C1orf21: variants seen among roughly 807,000 people sequenced by gnomAD.
C1orf21 encodes the protein chromosome 1 open reading frame 21.
A neutral mutation model predicts 18.7 loss-of-function variants in C1orf21; 3 were observed. The ratio of observed to expected loss-of-function variants is 0.16; its 90% CI spans 0.07 to 0.42. The LOEUF (loss-of-function observed/expected upper bound fraction) is 0.42, where lower values mean the gene tolerates loss of function less well. Ranked by LOEUF, C1orf21 falls within the 10% of genes least tolerant of loss-of-function variation. The pLI, the probability that C1orf21 is intolerant of heterozygous loss-of-function variation, is 0.99. For missense variants in C1orf21, 104 were observed against 143.6 expected (o/e 0.72, Z 1.41); for synonymous variants, 41 against 46.4 (o/e 0.88, Z 0.47).
At chr1:184,520,795 A>G in intron 3 of C1orf21, among the ~76,000 whole-genome samples, 1 of 152,254 alleles carries the variant, frequency 6.6e-6, no homozygotes, top group East Asian at 1.9e-4. Flanking sequence ...ACTTTAAAAC[A>G]TACTTTGGGA....
chr1:184,431,031 T>G (rs985466774), intron 1 of C1orf21, among the ~76,000 whole-genome samples: 1 of 152,210 alleles, frequency 6.6e-6, no homozygotes, highest in Non-Finnish European at 1.5e-5. Flanking sequence ...CATAGGTATT[T>G]TATTCTCTTT....
intron 1 of C1orf21, among the ~76,000 whole-genome samples, chr1:184,459,339 T>G (rs1319115051): frequency 2.6e-5 from 4 of 152,226 alleles, no homozygotes; most frequent in Non-Finnish European, 4.4e-5. Flanking sequence ...GCCTTAACAC[T>G]TTTAGAACAA....
chr1:184,587,262 CT>C (rs35263651), intron 3 of C1orf21, among the ~76,000 whole-genome samples: 10,063 of 76,464 alleles, frequency 0.13, 504 homozygotes, highest in African/African-American at 0.26. Flanking sequence ...GCTATTTGGG[CT>C]TTTTTTTTTT....
intron 1 of C1orf21, among the ~76,000 whole-genome samples, chr1:184,388,744 A>G (rs1353035748): frequency 6.6e-6 from 1 of 152,138 alleles, no homozygotes; most frequent in Middle Eastern, 3.2e-3. Context: ...CTTCTGCCTA[A>G]TAGGAATAAC....
At chr1:184,430,442 GACAA>G (rs1412247495) in intron 1 of C1orf21, among the ~76,000 whole-genome samples, 1 of 152,152 alleles carries the variant, frequency 6.6e-6, no homozygotes, top group Non-Finnish European at 1.5e-5. Flanking sequence ...TTAATAAAAT[GACAA>G]ACAACCATTC....
intron 3 of C1orf21, among the ~76,000 whole-genome samples, chr1:184,586,881 G>A (rs1274082165): frequency 7.9e-5 from 12 of 152,050 alleles, no homozygotes; most frequent in Admixed American, 7.9e-4. Context: ...AAATGCTGTT[G>A]CCTAGGTTGT....
chr1:184,552,232 G>T (rs1423182860), intron 3 of C1orf21, among the ~76,000 whole-genome samples: 5 of 152,094 alleles, frequency 3.3e-5, no homozygotes, highest in Non-Finnish European at 7.4e-5. Context: ...ATTTTTAAAT[G>T]GGCAAAGGAT....
At chr1:184,576,388 G>A (rs1317348556) in intron 3 of C1orf21, among the ~76,000 whole-genome samples, 1 of 152,240 alleles carries the variant, frequency 6.6e-6, no homozygotes. Context: ...GCCTTCCAAA[G>A]TGCTGGGATT....
chr1:184,419,037 C>T (rs189075965), intron 1 of C1orf21, among the ~76,000 whole-genome samples: 1 of 152,008 alleles, frequency 6.6e-6, no homozygotes, highest in African/African-American at 2.4e-5. Flanking sequence ...ATAATATGTC[C>T]AAGGGGTCTT....
chr1:184,576,949 C>T (rs976667783), intron 3 of C1orf21, among the ~76,000 whole-genome samples: 1 of 152,114 alleles, frequency 6.6e-6, no homozygotes, highest in African/African-American at 2.4e-5. Context: ...GGAGCCAAGC[C>T]AGTGCTGTAA....
intron 1 of C1orf21, among the ~76,000 whole-genome samples, chr1:184,391,318 A>G (rs1655967804): frequency 1.3e-5 from 2 of 152,236 alleles, no homozygotes; most frequent in African/African-American, 2.4e-5. Context: ...CTAATCACCT[A>G]AACTAATGAT....
intron 1 of C1orf21, among the ~76,000 whole-genome samples, chr1:184,433,800 G>A (rs1207330333): frequency 6.6e-6 from 1 of 152,090 alleles, no homozygotes; most frequent in African/African-American, 2.4e-5. Context: ...TTGACCTTTA[G>A]TTTCCCTTGG....
In C1orf21 at chr1:184,604,712, G is replaced by T. The variant is rs187979255; in HGVS notation, c.327+6251G>T. Among the ~76,000 whole-genome samples the T allele has an allele frequency of 1.0e-3, 152 of 152,318 alleles. 2 individuals carry two copies. Among genetic ancestry groups the T allele is most frequent in the Admixed American group, 7.3e-3 (111 of 15,294 alleles). On this transcript the variant is annotated intron_variant, in intron 5 of 5. Transcript: ENST00000235307. ...CTTAATTGTCATGATGATGACACTGGTGTAGGAACCACTGGTGAAGTGTGT... is the reference window on the plus strand; with the variant it reads ...CTTAATTGTCATGATGATGACACTGTTGTAGGAACCACTGGTGAAGTGTGT...
chr1:184,593,652 A>G (rs1659475492), intron 4 of C1orf21, among the ~76,000 whole-genome samples: 1 of 152,194 alleles, frequency 6.6e-6, no homozygotes, highest in African/African-American at 2.4e-5. Context: ...CTGGAGAACA[A>G]ATGAAATAGG....
At position 184,621,841 on chromosome 1, in the gene C1orf21, G is replaced by A. The variant is rs1352610793; in HGVS notation, c.*2285G>A. The A allele has an allele frequency of 2.0e-5, 3 of 152,110 alleles. No homozygotes were observed. Among genetic ancestry groups the A allele is most frequent in the East Asian group, 3.9e-4 (2 of 5,188 alleles). 9.4% of individuals were successfully genotyped at this position (152,110 alleles called of 1,614,324 possible). ...AGATTTTCACCTGGGTTCTGGCTCCGGTGTTTAACACTGGATACATCTTTG... is the reference window on the plus strand; with the variant it reads ...AGATTTTCACCTGGGTTCTGGCTCCAGTGTTTAACACTGGATACATCTTTG... On this transcript the variant is annotated 3_prime_UTR_variant, in exon 6 of 6. Transcript: ENST00000235307.
chr1:184,488,931 C>A (rs1657773141), intron 2 of C1orf21, among the ~76,000 whole-genome samples: 1 of 152,112 alleles, frequency 6.6e-6, no homozygotes, highest in South Asian at 2.1e-4. Flanking sequence ...TGCCACTGCA[C>A]TCCAGCCTGG....
intron 1 of C1orf21, among the ~76,000 whole-genome samples, chr1:184,455,257 T>A (rs1474242252): frequency 6.6e-6 from 1 of 152,180 alleles, no homozygotes; most frequent in Non-Finnish European, 1.5e-5. Flanking sequence ...CAGGTCTGAT[T>A]CTGCCACAAA....
intron 1 of C1orf21, among the ~76,000 whole-genome samples, chr1:184,397,389 A>G (rs556609124): frequency 1.3e-5 from 2 of 152,306 alleles, no homozygotes; most frequent in South Asian, 2.1e-4. Context: ...GATCAAGACC[A>G]TCCTGGCTAA....
At chr1:184,509,583 C>G (rs1658113940) in intron 3 of C1orf21, among the ~76,000 whole-genome samples, 2 of 152,060 alleles carry the variant, frequency 1.3e-5, no homozygotes, top group African/African-American at 4.8e-5. Flanking sequence ...CTACTCCATC[C>G]TTTGGGGAAC....
Sources: gnomAD v4.1 joint callset for allele counts (sites outside exome capture counted in the v4.1 genomes callset) on GRCh38, gnomAD v4.1.1 for gene constraint, MANE v1.5 for transcripts, NCBI Gene and HGNC (gene_info 2026-07-23, HGNC 2026-07-21) for gene names.